The following SEMA3D variants were observed in gnomAD, a reference collection of about 807,000 sequenced individuals.
SEMA3D encodes the protein semaphorin 3D.
SEMA3D carries 84 observed loss-of-function variants against 100.1 expected under a neutral mutation model. That is an observed-to-expected ratio of 0.84 (90% confidence interval 0.70 to 1.01). SEMA3D has a LOEUF of 1.01. Ranked by LOEUF, SEMA3D falls within the 50% of genes least tolerant of loss-of-function variation. SEMA3D has a pLI of 0.00. For missense variants in SEMA3D, 875 were observed against 934.1 expected (o/e 0.94, Z 0.82); for synonymous variants, 312 against 320.7 (o/e 0.97, Z 0.29).
At position 85,065,436 on chromosome 7, in the gene SEMA3D, A is replaced by T; in HGVS notation, c.706T>A (p.Tyr236Asn). The stretch of plus-strand genomic sequence containing the variant: ...AAAAATCACAAACCATTGAGCCAGT[A>T]GTGCTCTGAAATGTCAGTTCTGATG... ...HYIRTDISEH[Y>N]WLNGAKFIGT... Residue 236 changes from tyrosine to asparagine, a missense_variant, in exon 8 of 19, where the codon TAC (tyrosine) becomes AAC (asparagine). Transcript: ENST00000284136. 2 of 1,613,300 alleles carry T rather than the reference A, an allele frequency of 1.2e-6. No homozygotes were observed. The highest frequency in any genetic ancestry group is 1.7e-6 in the Non-Finnish European group (2 of 1,179,454).
At chr7:85,017,060 C>A (rs769306973) in intron 15 of SEMA3D, among the ~76,000 whole-genome samples, 2 of 151,726 alleles carry the variant, frequency 1.3e-5, no homozygotes, top group African/African-American at 4.8e-5. Flanking sequence ...CACATATGAT[C>A]CATACTCTAA....
chr7:85,198,138 C>T, the SEMA3D span, among the ~76,000 whole-genome samples: 6 of 152,110 alleles, frequency 3.9e-5, no homozygotes, highest in Non-Finnish European at 8.8e-5. Flanking sequence ...TGATATGACT[C>T]TTCCAAACCA....
At chr7:85,227,550 A>G in the SEMA3D span, among the ~76,000 whole-genome samples, 1 of 152,188 alleles carries the variant, frequency 6.6e-6, no homozygotes, top group Admixed American at 6.5e-5. Flanking sequence ...TACAAAAAAT[A>G]AATTTCAGTT....
intron 1 of SEMA3D, among the ~76,000 whole-genome samples, chr7:85,178,680 T>G (rs1489486541): frequency 1.3e-5 from 2 of 152,170 alleles, no homozygotes; most frequent in Non-Finnish European, 2.9e-5. Context: ...GAAAAACCCA[T>G]TTTCTGAGGA....
chr7:85,020,621 G>A (rs913017414), intron 13 of SEMA3D, among the ~76,000 whole-genome samples: 5 of 151,278 alleles, frequency 3.3e-5, no homozygotes, highest in African/African-American at 4.8e-5. Flanking sequence ...TGTTTGAAAC[G>A]TTAATAGAGC....
intron 4 of SEMA3D, among the ~76,000 whole-genome samples, chr7:85,094,951 A>C (rs946086140): frequency 1.2e-4 from 18 of 151,960 alleles, no homozygotes; most frequent in African/African-American, 4.3e-4. Flanking sequence ...CAAAAAAGAC[A>C]AAAGGTCATA....
At chr7:85,232,359 T>C in the SEMA3D span, among the ~76,000 whole-genome samples, 23 of 152,234 alleles carry the variant, frequency 1.5e-4, no homozygotes, top group African/African-American at 4.3e-4. Context: ...CTGGAACACT[T>C]GGCTAACCCT....
chr7:85,090,595 G>A (rs113701409), intron 4 of SEMA3D, among the ~76,000 whole-genome samples: 19 of 152,084 alleles, frequency 1.2e-4, no homozygotes, highest in Admixed American at 3.3e-4. Flanking sequence ...TAAGTGAGAA[G>A]GTTATTTATT....
chr7:85,204,999 T>C, the SEMA3D span, among the ~76,000 whole-genome samples: 3 of 152,166 alleles, frequency 2.0e-5, no homozygotes, highest in African/African-American at 4.8e-5. Context: ...TGAGATGCTA[T>C]CTCAATGTGG....
chr7:85,223,844 C>G, the SEMA3D span, among the ~76,000 whole-genome samples: 2 of 151,570 alleles, frequency 1.3e-5, no homozygotes, highest in Non-Finnish European at 2.9e-5. Context: ...ATCAAAATCT[C>G]AGAAATCACC....
chr7:85,038,266 T>G (rs2115965676), intron 11 of SEMA3D, among the ~76,000 whole-genome samples: 1 of 152,324 alleles, frequency 6.6e-6, no homozygotes, highest in East Asian at 1.9e-4. Flanking sequence ...GTAACTCAAT[T>G]ATTAATATTC....
intron 1 of SEMA3D, among the ~76,000 whole-genome samples, chr7:85,160,666 C>A (rs545797965): frequency 5.9e-5 from 9 of 152,066 alleles, no homozygotes; most frequent in Non-Finnish European, 5.9e-5. Context: ...GTGTTCAGAC[C>A]CAGGCTTCTC....
intron 2 of SEMA3D, among the ~76,000 whole-genome samples, chr7:85,136,001 C>T (rs1205804471): frequency 6.6e-6 from 1 of 151,950 alleles, no homozygotes; most frequent in African/African-American, 2.4e-5. Context: ...CAGCACAGAC[C>T]TTTTCCTAAA....
At chr7:85,116,264 C>T (rs1447871528) in intron 3 of SEMA3D, among the ~76,000 whole-genome samples, 1 of 144,342 alleles carries the variant, frequency 6.9e-6, no homozygotes, top group African/African-American at 2.5e-5. Flanking sequence ...TATATAATTG[C>T]ATATGTATAC....
intron 12 of SEMA3D, among the ~76,000 whole-genome samples, chr7:85,026,374 G>C (rs1250609694): frequency 6.6e-5 from 10 of 151,998 alleles, no homozygotes; most frequent in Admixed American, 6.6e-4. Context: ...ACATGAGTGA[G>C]CCACTGATGC....
At chr7:85,225,554 T>A in the SEMA3D span, among the ~76,000 whole-genome samples, 3 of 152,176 alleles carry the variant, frequency 2.0e-5, no homozygotes, top group East Asian at 3.9e-4. Context: ...TTAACCAGAT[T>A]GAAAGGTTAA....
At chr7:85,042,124 A>T (rs781650432) in intron 10 of SEMA3D, 47 bp downstream of exon 10, 2 of 1,260,762 alleles carry the variant, frequency 1.6e-6, no homozygotes, top group Admixed American at 3.4e-5. Flanking sequence ...AAGTTACTTA[A>T]TTAGGCAGTA....
In SEMA3D at chr7:85,088,218, G is replaced by T. The variant is rs111741660; in HGVS notation, c.313-6639C>A. ...CAGACAATTAATTTTTAATTATTCAGTGTTAGGCAAGTTACAGAAACATTC... is the reference window on the plus strand; with the variant it reads ...CAGACAATTAATTTTTAATTATTCATTGTTAGGCAAGTTACAGAAACATTC... On this transcript the variant is annotated intron_variant, in intron 4 of 18. Transcript: ENST00000284136. 5.4e-3 allele frequency among the ~76,000 whole-genome samples: 816 copies of T among 152,186 alleles called. 8 individuals carry two copies. The highest frequency in any genetic ancestry group is 0.019 in the African/African-American group (782 of 41,520).
At chr7:85,090,041 A>G (rs975625792) in intron 4 of SEMA3D, among the ~76,000 whole-genome samples, 2 of 152,140 alleles carry the variant, frequency 1.3e-5, no homozygotes, top group African/African-American at 4.8e-5. Context: ...TTGCGGATGG[A>G]CTTCAAACTT....
Sources: gnomAD v4.1 joint callset for allele counts (sites outside exome capture counted in the v4.1 genomes callset) on GRCh38, gnomAD v4.1.1 for gene constraint, MANE v1.5 for transcripts, NCBI Gene and HGNC (gene_info 2026-07-23, HGNC 2026-07-21) for gene names.